The following TNFSF10 variants were observed in gnomAD, a reference collection of about 807,000 sequenced individuals.
The protein encoded by TNFSF10 is TNF superfamily member 10, also known as tumor necrosis factor ligand superfamily member 10.
In TNFSF10, 13 loss-of-function variants were observed where a neutral mutation model predicts 29.5. The ratio of observed to expected loss-of-function variants is 0.44; its 90% CI spans 0.29 to 0.70. The LOEUF (loss-of-function observed/expected upper bound fraction) is 0.70, where lower values mean the gene tolerates loss of function less well. Among genes scored for constraint, TNFSF10 ranks in the 30% least tolerant of loss-of-function variants. The pLI, the probability that TNFSF10 is intolerant of heterozygous loss-of-function variation, is 0.13. For missense variants in TNFSF10, 345 were observed against 330.9 expected (o/e 1.04, Z -0.33); for synonymous variants, 111 against 112.8 (o/e 0.98, Z 0.10).
chr3:172,508,900 G>A (rs1320133700), intron 4 of TNFSF10, among the ~76,000 whole-genome samples: 1 of 137,168 alleles, frequency 7.3e-6, no homozygotes, highest in East Asian at 2.1e-4. Flanking sequence ...AAAAAAAAAA[G>A]GAAAGAAAGA....
At chr3:172,519,992 C>T (rs555588060) in intron 1 of TNFSF10, among the ~76,000 whole-genome samples, 8 of 152,346 alleles carry the variant, frequency 5.3e-5, no homozygotes, top group African/African-American at 1.9e-4. Flanking sequence ...AGCCGCCCCA[C>T]GGCCAGCCTC....
At position 172,506,585 on chromosome 3, in the gene TNFSF10, C is replaced by T. The variant is rs763659853; in HGVS notation, c.753G>A (p.Lys251=). ...SIYQGGIFEL[K]ENDRIFVSVT... ...CAGAAACAAAAATTCTGTCATTTTC[C>T]TTAAGCTCAAATATTCCCCCTTGAT... Residue 251 remains lysine, a synonymous_variant, in exon 5 of 5, where the codon AAG becomes AAA. Coordinates refer to ENST00000241261, the MANE Select transcript of TNFSF10 (RefSeq NM_003810.4). 3.7e-6 allele frequency: 6 copies of T among 1,614,112 alleles called. No individual in the cohort carries two copies. The South Asian group carries it at 6.6e-5, about 18-fold the overall frequency.
In TNFSF10 at chr3:172,509,291, C is replaced by G; in HGVS notation, c.344G>C (p.Arg115Thr). The G allele has an allele frequency of 2.5e-6, 4 of 1,613,868 alleles. No individual in the cohort carries two copies. Among genetic ancestry groups the G allele is most frequent in the East Asian group, 2.2e-5 (1 of 44,840 alleles). ...TGCTACTCTCTGAGGACCTCTTTCT[C>G]TCACTAGGGGAGAAATATTTTGTTG... ...EKQQNISPLV[R>T]ERGPQRVAAH... Residue 115 changes from arginine to threonine, a missense_variant, in exon 4 of 5, where the codon AGA (arginine) becomes ACA (threonine). Physicochemically the swap from Arg to Thr is moderately conservative, Grantham distance 71. Transcript: ENST00000241261.
intron 1 of TNFSF10, among the ~76,000 whole-genome samples, chr3:172,518,793 C>T (rs931128938): frequency 1.3e-5 from 2 of 152,206 alleles, no homozygotes; most frequent in Non-Finnish European, 2.9e-5. Flanking sequence ...GTTGAATATA[C>T]TTTTCCAAAG....
At chr3:172,511,542 G>T in intron 3 of TNFSF10, 75 bp downstream of exon 3, 1 of 1,229,448 alleles carries the variant, frequency 8.1e-7, no homozygotes. Context: ...CACAGAGAAG[G>T]AGAATGGAGA....
chr3:172,511,591 T>G (rs1362864513), intron 3 of TNFSF10, 26 bp downstream of exon 3: 2 of 1,590,012 alleles, frequency 1.3e-6, no homozygotes, highest in South Asian at 2.2e-5. Flanking sequence ...AGTAAAAAAT[T>G]AAAATAACAA....
intron 2 of TNFSF10, among the ~76,000 whole-genome samples, chr3:172,514,101 A>C (rs571828584): frequency 1.6e-4 from 25 of 152,326 alleles, no homozygotes; most frequent in Admixed American, 1.0e-3. Flanking sequence ...AGCCTCCCAA[A>C]GTGCTGGGAT....
intron 1 of TNFSF10, chr3:172,518,548 A>G: frequency 1.9e-6 from 2 of 1,066,550 alleles, no homozygotes; most frequent in Non-Finnish European, 2.5e-6. Context: ...ATGATGTCAC[A>G]GTGACAGGCC....
chr3:172,507,392 C>T (rs1306875597), intron 4 of TNFSF10: 1 of 153,046 alleles, frequency 6.5e-6, no homozygotes, highest in Non-Finnish European at 1.5e-5. Flanking sequence ...TCTTTGGGTC[C>T]CCCCTTGATC....
chr3:172,509,612 G>T (rs6775921), intron 3 of TNFSF10, among the ~76,000 whole-genome samples: 40,605 of 152,098 alleles, frequency 0.27, 6,592 homozygotes, highest in African/African-American at 0.46. Context: ...ACAAAGTGAA[G>T]ATTCTATCCC....
At chr3:172,513,555 T>C (rs1326482992) in intron 2 of TNFSF10, among the ~76,000 whole-genome samples, 4 of 152,180 alleles carry the variant, frequency 2.6e-5, no homozygotes, top group Admixed American at 2.0e-4. Flanking sequence ...TCATTTCCCA[T>C]AGAAATAGCA....
Position 172,514,876 on chromosome 3 carries a change from A to ACT in TNFSF10, c.254_255insAG (p.Gln86ValfsTer7). 6.2e-7 allele frequency: 1 copy of ACT among 1,614,004 alleles called. No homozygotes were observed. The highest frequency in any genetic ancestry group is 8.5e-7 in the Non-Finnish European group (1 of 1,180,012). On this transcript the variant is annotated frameshift_variant, in exon 2 of 5. Transcript: ENST00000241261. LOFTEE classifies it high-confidence loss of function. ...GGTTACCTACCTTTCTAACGAGCTG[A>ACT]CGGAGTTGCCACTTGACTTGCCAGC...
At chr3:172,523,165 C>G in intron 1 of TNFSF10, 88 bp downstream of exon 1, 1 of 1,453,296 alleles carries the variant, frequency 6.9e-7, no homozygotes, top group Non-Finnish European at 9.2e-7. Flanking sequence ...GGAAAGTCTT[C>G]AGAGAGGGGC....
chr3:172,523,220 C>A, intron 1 of TNFSF10, 33 bp downstream of exon 1: 4 of 1,559,374 alleles, frequency 2.6e-6, no homozygotes, highest in Non-Finnish European at 3.5e-6. Context: ...TTGCTAAGCG[C>A]CTCGAAGACT....
At chr3:172,521,513 T>C (rs1372555454) in intron 1 of TNFSF10, among the ~76,000 whole-genome samples, 1 of 152,172 alleles carries the variant, frequency 6.6e-6, no homozygotes, top group African/African-American at 2.4e-5. Context: ...ACCATCTCAC[T>C]CCAGTTAGAA....
At position 172,514,881 on chromosome 3, in the gene TNFSF10, G is replaced by T; in HGVS notation, c.250C>A (p.Leu84Ile). The T allele has an allele frequency of 6.2e-7, 1 of 1,614,212 alleles. No homozygotes were observed. The highest frequency in any genetic ancestry group is 8.5e-7 in the Non-Finnish European group (1 of 1,180,026). ...CCTACCTTTCTAACGAGCTGACGGAGTTGCCACTTGACTTGCCAGCAGGGG... is the reference window on the plus strand; with the variant it reads ...CCTACCTTTCTAACGAGCTGACGGATTTGCCACTTGACTTGCCAGCAGGGG... ...NSPCWQVKWQLRQLVRKMILR... is the reference protein window; with the variant it reads ...NSPCWQVKWQIRQLVRKMILR... Residue 84 changes from leucine (L) to isoleucine (I), a missense_variant, in exon 2 of 5, where the codon CTC (leucine) becomes ATC (isoleucine). By Grantham distance (5) the Leu-to-Ile change is conservative (BLOSUM62 2). Coordinates refer to ENST00000241261, the MANE Select transcript of TNFSF10 (RefSeq NM_003810.4).
chr3:172,514,635 G>A (rs1713356510), intron 2 of TNFSF10, among the ~76,000 whole-genome samples: 1 of 152,168 alleles, frequency 6.6e-6, no homozygotes, highest in Non-Finnish European at 1.5e-5. Context: ...CCGGGGCAGA[G>A]GAATGAACTC....
At position 172,505,678 on chromosome 3, in the gene TNFSF10, A is replaced by G. The variant is rs1712949506; in HGVS notation, c.*814T>C. 1 of 151,932 alleles carries G rather than the reference A, an allele frequency of 6.6e-6. No individual in the cohort carries two copies. The highest frequency in any genetic ancestry group is 2.1e-4 in the South Asian group (1 of 4,816). 9.4% of individuals were successfully genotyped at this position (151,932 alleles called of 1,614,324 possible). A position where few individuals can be genotyped will look rare whatever the true frequency, so the allele number is the denominator to read the frequency against. On this transcript the variant is annotated 3_prime_UTR_variant, in exon 5 of 5. Transcript: ENST00000241261. Reference sequence around the variant, plus strand: ...ATATGAGCACTACAGCAAACATGACATACTGTAATAGAATTTTATTGAAAA... The same window carrying G: ...ATATGAGCACTACAGCAAACATGACGTACTGTAATAGAATTTTATTGAAAA...
intron 2 of TNFSF10, among the ~76,000 whole-genome samples, chr3:172,512,778 T>A (rs1302182043): frequency 6.6e-6 from 1 of 152,228 alleles, no homozygotes; most frequent in Admixed American, 6.5e-5. Flanking sequence ...AAAAGGGTCT[T>A]TCCTACAATG....
Sources: gnomAD v4.1 joint callset for allele counts (sites outside exome capture counted in the v4.1 genomes callset) on GRCh38, gnomAD v4.1.1 for gene constraint, MANE v1.5 for transcripts, NCBI Gene and HGNC (gene_info 2026-07-23, HGNC 2026-07-21) for gene names.